The following RCAN1 variants were observed in gnomAD, a reference collection of about 807,000 sequenced individuals.
RCAN1 encodes calcipressin-1.
In RCAN1, 11 loss-of-function variants were observed where a neutral mutation model predicts 22.9. The ratio of observed to expected loss-of-function variants is 0.48; its 90% CI spans 0.30 to 0.79. RCAN1 has a LOEUF of 0.79. RCAN1 is among the 30% of genes least tolerant of loss of function. The pLI is 0.06. For synonymous variants in RCAN1, 136 were observed against 142.3 expected, an observed-to-expected ratio of 0.96 and a Z score of 0.32; for missense variants, 291 against 337.8, an observed-to-expected ratio of 0.86 and a Z score of 1.09.
At chr21:34,572,700 T>C (rs1429187386) in intron 1 of RCAN1, among the ~76,000 whole-genome samples, 1 of 152,116 alleles carries the variant, frequency 6.6e-6, no homozygotes, top group Non-Finnish European at 1.5e-5. Flanking sequence ...TACAAAGAAC[T>C]ACCCAAGACT....
intron 1 of RCAN1, among the ~76,000 whole-genome samples, chr21:34,562,700 C>G (rs1430407844): frequency 6.6e-6 from 1 of 152,184 alleles, no homozygotes; most frequent in African/African-American, 2.4e-5. Context: ...CCCTCGCCAC[C>G]TTTGGTAAGT....
At chr21:34,607,504 C>G (rs1398810755) in intron 1 of RCAN1, among the ~76,000 whole-genome samples, 2 of 152,074 alleles carry the variant, frequency 1.3e-5, no homozygotes, top group Non-Finnish European at 2.9e-5. Flanking sequence ...ATTCTCATGC[C>G]TCAGCCTCCT....
intron 1 of RCAN1, among the ~76,000 whole-genome samples, chr21:34,541,231 T>C (rs1461878053): frequency 6.6e-6 from 1 of 152,192 alleles, no homozygotes; most frequent in Non-Finnish European, 1.5e-5. Flanking sequence ...GCTAGGTATA[T>C]AAGAATCCCA....
At chr21:34,562,113 T>C (rs1986813645) in intron 1 of RCAN1, among the ~76,000 whole-genome samples, 1 of 152,146 alleles carries the variant, frequency 6.6e-6, no homozygotes, top group Non-Finnish European at 1.5e-5. Context: ...TTCAAGAAAA[T>C]CTGACTGAAT....
chr21:34,518,328 A>C lies in RCAN1; in HGVS notation c.587-72T>G. 2 of 1,507,470 alleles carry C rather than the reference A, an allele frequency of 1.3e-6. No homozygotes were observed. Among genetic ancestry groups the C allele is most frequent in the Non-Finnish European group, 1.8e-6 (2 of 1,105,142 alleles). The allele number at this position is 1,507,470 out of a possible 1,614,324, so 93.4% of individuals were successfully genotyped here. A position where few individuals can be genotyped will look rare whatever the true frequency, so the allele number is the denominator to read the frequency against. ...AGTCAAAAGGCAAACATAAAAGAGC[A>C]TTCAGGGCTCTGCTGGGCCAGCTGC... is the stretch of plus-strand genomic sequence containing the variant. On this transcript the variant is annotated intron_variant, in intron 3 of 3. Coordinates refer to ENST00000313806, the MANE Select transcript of RCAN1 (RefSeq NM_004414.7). This position sits in a 1 kb window ranked among gnomAD's most constrained non-coding sequence, Gnocchi z 4.2.
At chr21:34,539,092 A>G (rs778247861) in intron 1 of RCAN1, among the ~76,000 whole-genome samples, 2 of 152,220 alleles carry the variant, frequency 1.3e-5, no homozygotes, top group African/African-American at 2.4e-5. Context: ...GTAAATTCAA[A>G]CAGTTTAAAC....
chr21:34,614,409 A>G lies in RCAN1; in HGVS notation c.252+351T>C, dbSNP rs1224052201. 2.0e-6 allele frequency: 2 copies of G among 999,448 alleles called. No individual in the cohort carries two copies. The highest frequency in any genetic ancestry group is 1.0e-4 in the East Asian group (1 of 9,612). 61.9% of individuals were successfully genotyped at this position (999,448 alleles called of 1,614,324 possible). On this transcript the variant is annotated intron_variant, in intron 1 of 3. Transcript: ENST00000313806. The surrounding 1 kb of genome is among the most constrained non-coding windows in gnomAD (Gnocchi z 6.0). ...TAGGAATGAGGTGACCCCCTCCTCC[A>G]GCGAGTAAATGCGGGGCGATGGCGA...
chr21:34,581,402 A>G (rs1180932534), intron 1 of RCAN1, among the ~76,000 whole-genome samples: 1 of 152,212 alleles, frequency 6.6e-6, no homozygotes, highest in Admixed American at 6.5e-5. Context: ...AGTATCTCAG[A>G]GAGCTGAAAA....
intron 1 of RCAN1, among the ~76,000 whole-genome samples, chr21:34,557,084 A>ACGC (rs1363220721): frequency 6.6e-6 from 1 of 152,134 alleles, no homozygotes; most frequent in Admixed American, 6.5e-5. Context: ...ATGGTGGTAC[A>ACGC]CGCCTGTAAT....
chr21:34,556,240 A>G (rs928639884), intron 1 of RCAN1, among the ~76,000 whole-genome samples: 2 of 150,908 alleles, frequency 1.3e-5, no homozygotes, highest in Non-Finnish European at 3.0e-5. Flanking sequence ...CCTGAGCAAC[A>G]TGGTGAGAAA....
intron 1 of RCAN1, among the ~76,000 whole-genome samples, chr21:34,589,582 C>T (rs543903778): frequency 4.6e-5 from 7 of 152,128 alleles, no homozygotes; most frequent in East Asian, 1.9e-4. Context: ...AGTACCTGTG[C>T]GGGTGTTTCT....
chr21:34,523,737 G>A (rs376403759), intron 1 of RCAN1, 27 bp from the exon 2 acceptor site: 5 of 1,597,070 alleles, frequency 3.1e-6, no homozygotes, highest in Middle Eastern at 1.7e-4. Flanking sequence ...AAAATAAAAG[G>A]AGTTGAAATT....
intron 1 of RCAN1, among the ~76,000 whole-genome samples, chr21:34,558,717 T>C (rs1017267031): frequency 2.6e-5 from 4 of 152,256 alleles, no homozygotes; most frequent in African/African-American, 9.6e-5. Flanking sequence ...ACACTGGTTC[T>C]AGGAGTCTGA....
intron 1 of RCAN1, among the ~76,000 whole-genome samples, chr21:34,557,902 T>C (rs1159948709): frequency 1.3e-5 from 2 of 152,206 alleles, no homozygotes; most frequent in Non-Finnish European, 2.9e-5. Context: ...ACAGGTACTA[T>C]CACTTTTTTA....
At chr21:34,521,312 A>G (rs1984509943) in intron 3 of RCAN1, 187 bp downstream of exon 3, 2 of 1,482,022 alleles carry the variant, frequency 1.3e-6, no homozygotes, top group Admixed American at 4.4e-5. Context: ...CTAACACTGC[A>G]GGTGGTGCCA....
chr21:34,558,096 C>T (rs1986648712), intron 1 of RCAN1, among the ~76,000 whole-genome samples: 2 of 152,210 alleles, frequency 1.3e-5, no homozygotes, highest in Non-Finnish European at 1.5e-5. Flanking sequence ...TGAGGAGGTG[C>T]TTGTGCGTTA....
At chr21:34,570,078 C>G (rs759129822) in intron 1 of RCAN1, among the ~76,000 whole-genome samples, 77 of 152,320 alleles carry the variant, frequency 5.1e-4, no homozygotes, top group South Asian at 1.9e-3. Flanking sequence ...GGGCCCAGGC[C>G]CAAGCTCCCT....
Position 34,548,490 on chromosome 21 carries a change from G to A in RCAN1, c.253-24780C>T, listed in dbSNP as rs188659945. 2.1e-4 allele frequency among the ~76,000 whole-genome samples: 32 copies of A among 152,214 alleles called. No homozygotes were observed. The East Asian group carries it at 5.8e-3, about 28-fold the overall frequency. ...GCTGGAAAGTAGAGTTTTCAAAAGA[G>A]TAAAAATAATAATAAAAAAAAGTTA... On this transcript the variant is annotated intron_variant, in intron 1 of 3. Coordinates refer to ENST00000313806, the MANE Select transcript of RCAN1 (RefSeq NM_004414.7).
intron 1 of RCAN1, chr21:34,524,982 G>A: frequency 6.7e-7 from 1 of 1,496,602 alleles, no homozygotes. Flanking sequence ...AAAACACTTA[G>A]GACAGTTTGT....
Sources: gnomAD v4.1 joint callset for allele counts (sites outside exome capture counted in the v4.1 genomes callset) on GRCh38, gnomAD v4.1.1 for gene constraint, Gnocchi (gnomAD v3.1) non-coding constraint, MANE v1.5 for transcripts, NCBI Gene and HGNC (gene_info 2026-07-23, HGNC 2026-07-21) for gene names.